Variants in TEF observed in about 807,000 individuals in gnomAD.
TEF encodes TEF transcription factor, PAR bZIP family member, also known as thyrotroph embryonic factor.
A neutral mutation model predicts 20.8 loss-of-function variants in TEF; 3 were observed. The observed-to-expected ratio is 0.14, with a 90% confidence interval of 0.07 to 0.37. The LOEUF is 0.37. Ranked by LOEUF, TEF falls within the 10% of genes least tolerant of loss-of-function variation. The pLI is 1.00. For synonymous variants in TEF, 180 were observed against 171.1 expected, an observed-to-expected ratio of 1.05 and a Z score of -0.41; for missense variants, 296 against 397.9, an observed-to-expected ratio of 0.74 and a Z score of 2.18.
At chr22:41,381,248 C>T (rs1176137575), upstream of TEF, among the ~76,000 whole-genome samples, 1 of 152,250 alleles carries the variant, frequency 6.6e-6, no homozygotes, top group East Asian at 1.9e-4. Context: ...GCTCAGCGTC[C>T]CTGCCCCGCG....
Position 41,397,121 on chromosome 22 carries a change from C to T in TEF, c.*1161C>T. The T allele has an allele frequency of 2.5e-6, 1 of 398,710 alleles. No homozygotes were observed. Among genetic ancestry groups the T allele is most frequent in the Non-Finnish European group, 4.4e-6 (1 of 226,150 alleles). The allele number at this position is 398,710 out of a possible 1,614,324, so 24.7% of individuals were successfully genotyped here. A position where few individuals can be genotyped will look rare whatever the true frequency, so the allele number is the denominator to read the frequency against. ...GTGTCAGCAGGGCAAGACACCTAGT[C>T]TAGAGTCACCAAGGTCACAGTGCCA... On this transcript the variant is annotated 3_prime_UTR_variant, in exon 4 of 4. Transcript: ENST00000266304.
intron 1 of TEF, chr22:41,370,139 A>C (rs1349470112): frequency 1.0e-6 from 1 of 971,648 alleles, no homozygotes; most frequent in Non-Finnish European, 1.2e-6. Context: ...TTTTGAGATA[A>C]GAGTCTTGCT....
At chr22:41,373,760 G>A (rs373213770) in intron 1 of TEF, among the ~76,000 whole-genome samples, 4 of 137,322 alleles carry the variant, frequency 2.9e-5, no homozygotes, top group Admixed American at 2.5e-4. Context: ...AAGTCACCAC[G>A]CCCGGACTTT....
upstream of TEF, chr22:41,381,852 T>G: frequency 8.2e-7 from 1 of 1,214,558 alleles, no homozygotes; most frequent in Non-Finnish European, 1.0e-6. Flanking sequence ...CCGGGGAAGC[T>G]GGCCTGGCCT....
chr22:41,373,079 T>C (rs11090046), intron 1 of TEF, among the ~76,000 whole-genome samples: 20,287 of 152,122 alleles, frequency 0.13, 1,563 homozygotes, highest in African/African-American at 0.2. Context: ...GTAAGGACCC[T>C]CACACTCACT....
chr22:41,373,769 T>A (rs961792730), intron 1 of TEF, among the ~76,000 whole-genome samples: 1 of 145,108 alleles, frequency 6.9e-6, no homozygotes, highest in African/African-American at 2.5e-5. Flanking sequence ...CGCCCGGACT[T>A]TTTTTTTTTT....
intron 1 of TEF, among the ~76,000 whole-genome samples, chr22:41,368,246 G>A (rs947183744): frequency 6.6e-6 from 1 of 151,294 alleles, no homozygotes; most frequent in Admixed American, 6.6e-5. Context: ...TTAGTTTGGC[G>A]GAGAATACTG....
intron 1 of TEF, among the ~76,000 whole-genome samples, chr22:41,373,552 C>T (rs1296096672): frequency 6.6e-6 from 1 of 152,010 alleles, no homozygotes; most frequent in Non-Finnish European, 1.5e-5. Flanking sequence ...TCATTGCAAC[C>T]TCCGCCTCCC....
intron 1 of TEF, among the ~76,000 whole-genome samples, chr22:41,385,136 G>T (rs2037082152): frequency 6.6e-6 from 1 of 152,086 alleles, no homozygotes; most frequent in Non-Finnish European, 1.5e-5. Context: ...GGCCAAGGTG[G>T]ATGGATCACC....
upstream of TEF, among the ~76,000 whole-genome samples, chr22:41,379,092 G>A (rs1474174789): frequency 6.6e-6 from 1 of 152,124 alleles, no homozygotes; most frequent in Non-Finnish European, 1.5e-5. Context: ...TGTAATCCCA[G>A]CACTTTGGGA....
In TEF at chr22:41,375,608, G is replaced by A. The variant is rs1405182120; in HGVS notation, c.67+8009G>A. Among the ~76,000 whole-genome samples, 8 of 151,772 alleles carry A rather than the reference G, an allele frequency of 5.3e-5. No individual in the cohort carries two copies. The East Asian group carries it at 9.7e-4, about 18-fold the overall frequency. ...TACTATAAATACAAAAAAATTAGCC[G>A]GGCTACTTGGGAGGCTGAGACAGGA... On this transcript the variant is annotated intron_variant, in intron 1 of 3. Coordinates refer to the TEF transcript ENST00000406644.
intron 2 of TEF, among the ~76,000 whole-genome samples, chr22:41,393,340 C>CAA (rs34533572): frequency 1.0e-4 from 13 of 127,732 alleles, no homozygotes; most frequent in African/African-American, 2.8e-4. Context: ...GACCCTGTCT[C>CAA]AAAAAAAAAA....
At chr22:41,381,316 G>A (rs940435976), upstream of TEF, among the ~76,000 whole-genome samples, 3 of 87,736 alleles carry the variant, frequency 3.4e-5, no homozygotes, top group Admixed American at 3.3e-4. Context: ...CTCCCGCCCC[G>A]CCACAGCCCC....
chr22:41,376,029 C>T (rs1201751981), intron 1 of TEF, among the ~76,000 whole-genome samples: 1 of 152,056 alleles, frequency 6.6e-6, no homozygotes, highest in Non-Finnish European at 1.5e-5. Flanking sequence ...TTTCAGTAAG[C>T]CAGAAAACAG....
At chr22:41,369,965 A>G (rs992160393) in intron 1 of TEF, 2 of 985,266 alleles carry the variant, frequency 2.0e-6, no homozygotes, top group African/African-American at 3.5e-5. Flanking sequence ...GTGCTTCGGC[A>G]CACATTTAGG....
intron 1 of TEF, among the ~76,000 whole-genome samples, chr22:41,370,440 TCTCA>T (rs2036870871): frequency 8.0e-6 from 1 of 124,458 alleles, no homozygotes; most frequent in Admixed American, 9.4e-5. Context: ...TGAGCCAGTG[TCTCA>T]CTCTGTTGCC....
intron 1 of TEF, 31 bp downstream of exon 1, chr22:41,382,232 GGGGGCGGGGCTTATACA>G (rs1569254830): frequency 1.1e-5 from 13 of 1,225,158 alleles, no homozygotes; most frequent in South Asian, 4.1e-5. Flanking sequence ...CGCGCGGGCT[GGGGGCGGGGCTTATACA>G]GGGGCGGGGC....
upstream of TEF, among the ~76,000 whole-genome samples, chr22:41,380,690 T>C (rs1259649408): frequency 3.3e-5 from 5 of 152,164 alleles, no homozygotes; most frequent in Admixed American, 3.3e-4. Context: ...ATCTGTACTA[T>C]AAAGAGGTAC....
chr22:41,385,460 C>T (rs2037086449), intron 1 of TEF, among the ~76,000 whole-genome samples: 1 of 152,062 alleles, frequency 6.6e-6, no homozygotes, highest in African/African-American at 2.4e-5. Flanking sequence ...AGTAACATGG[C>T]TAAGGTCACA....
Sources: gnomAD v4.1 joint callset for allele counts (sites outside exome capture counted in the v4.1 genomes callset) on GRCh38, gnomAD v4.1.1 for gene constraint, MANE v1.5 for transcripts, NCBI Gene and HGNC (gene_info 2026-07-23, HGNC 2026-07-21) for gene names.